Variants in ST18 observed in about 807,000 individuals in gnomAD.
The protein encoded by ST18 is suppression of tumorigenicity 18 protein.
In ST18, 50 loss-of-function variants were observed where a neutral mutation model predicts 110.0. The ratio of observed to expected loss-of-function variants is 0.45; its 90% CI spans 0.36 to 0.58. ST18 has a LOEUF of 0.58. Ranked by LOEUF, ST18 falls within the 20% of genes least tolerant of loss-of-function variation. ST18 has a pLI of 0.00. For synonymous variants in ST18, 461 were observed against 452.4 expected (o/e 1.02, Z -0.24); for missense variants, 1,306 against 1,280.1 (o/e 1.02, Z -0.31).
intron 9 of ST18, among the ~76,000 whole-genome samples, chr8:52,177,541 G>A (rs1400796758): frequency 1.3e-5 from 2 of 152,094 alleles, no homozygotes; most frequent in Non-Finnish European, 2.9e-5. Context: ...CTAGGGGGTG[G>A]GGGGTAACTT....
At chr8:52,329,121 G>A (rs1807894065) in intron 2 of ST18, among the ~76,000 whole-genome samples, 1 of 152,028 alleles carries the variant, frequency 6.6e-6, no homozygotes, top group Non-Finnish European at 1.5e-5. Flanking sequence ...TCTTTTTAGA[G>A]GAATGCTGTG....
chr8:52,205,727 CT>C (rs1241407202), intron 8 of ST18, among the ~76,000 whole-genome samples: 1 of 152,064 alleles, frequency 6.6e-6, no homozygotes, highest in Non-Finnish European at 1.5e-5. Context: ...GCCACCACCC[CT>C]GGCTAATTTT....
At chr8:52,248,394 A>G (rs1329348566) in intron 2 of ST18, 2 of 152,160 alleles carry the variant, frequency 1.3e-5, no homozygotes, top group Non-Finnish European at 2.9e-5. Flanking sequence ...TACTTTTTAA[A>G]TGTTTTCGAT....
chr8:52,181,372 T>A (rs2069458558), intron 8 of ST18, among the ~76,000 whole-genome samples: 1 of 152,152 alleles, frequency 6.6e-6, no homozygotes, highest in South Asian at 2.1e-4. Flanking sequence ...TGGTGCCTAT[T>A]CGTGAAAATG....
intron 2 of ST18, among the ~76,000 whole-genome samples, chr8:52,268,468 C>T (rs931363263): frequency 1.5e-4 from 22 of 148,610 alleles, no homozygotes; most frequent in Admixed American, 2.7e-4. Flanking sequence ...ATCTATCTAT[C>T]ATCTATCTAT....
intron 2 of ST18, among the ~76,000 whole-genome samples, chr8:52,293,912 T>A (rs1368860592): frequency 6.6e-6 from 1 of 152,118 alleles, no homozygotes; most frequent in Non-Finnish European, 1.5e-5. Context: ...CATCTCAAAG[T>A]GGAGAAAGAT....
At chr8:52,133,435 G>A (rs1411292559) in intron 19 of ST18, 134 bp from the exon 20 acceptor site, 1 of 961,450 alleles carries the variant, frequency 1.0e-6, no homozygotes, top group East Asian at 2.6e-5. Context: ...AGGGAGGCGG[G>A]GTCACACAGC....
chr8:52,130,787 A>G (rs1024896339), intron 22 of ST18, among the ~76,000 whole-genome samples: 7 of 152,222 alleles, frequency 4.6e-5, no homozygotes, highest in African/African-American at 1.7e-4. Context: ...CATTATTGCT[A>G]ACTGAGGGAT....
chr8:52,229,053 T>C (rs2090486074), intron 3 of ST18, among the ~76,000 whole-genome samples: 1 of 152,188 alleles, frequency 6.6e-6, no homozygotes, highest in African/African-American at 2.4e-5. Context: ...TAACTATCAT[T>C]TGGATCAACA....
intron 2 of ST18, among the ~76,000 whole-genome samples, chr8:52,379,892 G>A (rs1056513581): frequency 1.3e-5 from 2 of 152,196 alleles, no homozygotes; most frequent in Non-Finnish European, 2.9e-5. Context: ...TGTTGTGATT[G>A]TGGTGAGCCC....
chr8:52,234,749 G>A (rs1471769727), intron 2 of ST18, among the ~76,000 whole-genome samples: 2 of 152,108 alleles, frequency 1.3e-5, no homozygotes, highest in East Asian at 3.9e-4. Context: ...GTGTGTGTGT[G>A]TGTGTGTGTG....
chr8:52,286,676 G>T lies in ST18; in HGVS notation c.-464-56599C>A, dbSNP rs553454315. Among the ~76,000 whole-genome samples, 8 of 151,704 alleles carry T rather than the reference G, an allele frequency of 5.3e-5. No homozygotes were observed. The East Asian group carries it at 1.5e-3, about 29-fold the overall frequency. On this transcript the variant is annotated intron_variant, in intron 2 of 25. Transcript: ENST00000689386. ...GATTATGTGTGGTCAGGCATTTGGG[G>T]TTTTCCTCACGTTTGAAACCAGTTA...
At chr8:52,285,340 A>G (rs988476677) in intron 2 of ST18, among the ~76,000 whole-genome samples, 2 of 152,226 alleles carry the variant, frequency 1.3e-5, no homozygotes, top group Non-Finnish European at 2.9e-5. Context: ...CCTTACATGT[A>G]ATGACGATGG....
At chr8:52,286,299 G>T (rs759027610) in intron 2 of ST18, among the ~76,000 whole-genome samples, 1 of 152,098 alleles carries the variant, frequency 6.6e-6, no homozygotes, top group Non-Finnish European at 1.5e-5. Flanking sequence ...GTACAAAGCT[G>T]GCAATATATC....
chr8:52,222,061 T>G (rs1246351873), intron 3 of ST18: 1 of 152,326 alleles, frequency 6.6e-6, no homozygotes, highest in East Asian at 1.9e-4. Context: ...ACAGTCACAC[T>G]GGCAAACAAA....
At chr8:52,341,051 G>C (rs559230077) in intron 2 of ST18, among the ~76,000 whole-genome samples, 1 of 152,238 alleles carries the variant, frequency 6.6e-6, no homozygotes, top group Non-Finnish European at 1.5e-5. Context: ...CTAAATACTA[G>C]GAAAGTCTAT....
Position 52,318,225 on chromosome 8 carries a change from A to G in ST18, c.-464-88148T>C, listed in dbSNP as rs1968348. Among the ~76,000 whole-genome samples, 915 of 152,350 alleles carry G rather than the reference A, an allele frequency of 6.0e-3. 7 individuals are homozygous for G. Among genetic ancestry groups the G allele is most frequent in the African/African-American group, 0.021 (867 of 41,582 alleles). On this transcript the variant is annotated intron_variant, in intron 2 of 25. Transcript: ENST00000689386. The stretch of plus-strand genomic sequence containing the variant: ...CAAGAAAAAAACAAACAACCCCGTT[A>G]AAAAGTGGGCAAAGGACGTGAACAG...
At chr8:52,189,842 G>T (rs1019265837) in intron 8 of ST18, among the ~76,000 whole-genome samples, 31 of 152,198 alleles carry the variant, frequency 2.0e-4, no homozygotes, top group African/African-American at 7.0e-4. Flanking sequence ...CTTTCTCATG[G>T]GTGTACTACT....
At chr8:52,258,832 G>T (rs1377445264) in intron 2 of ST18, among the ~76,000 whole-genome samples, 1 of 152,198 alleles carries the variant, frequency 6.6e-6, no homozygotes, top group Admixed American at 6.5e-5. Flanking sequence ...TTGGTGTTTA[G>T]CATGATATTA....
Sources: gnomAD v4.1 joint callset for allele counts (sites outside exome capture counted in the v4.1 genomes callset) on GRCh38, gnomAD v4.1.1 for gene constraint, MANE v1.5 for transcripts, NCBI Gene and HGNC (gene_info 2026-07-23, HGNC 2026-07-21) for gene names.